Variants in AK9 observed in about 807,000 individuals in gnomAD.
The protein encoded by AK9 is adenylate kinase domain containing 1.
Under a neutral mutation model 239.6 loss-of-function variants are expected in AK9, and 191 were observed. The ratio of observed to expected loss-of-function variants is 0.80; its 90% confidence interval spans 0.71 to 0.90. The LOEUF (loss-of-function observed/expected upper bound fraction) is 0.90. AK9 is among the 40% of genes least tolerant of loss of function. AK9 has a pLI of 0.00. For synonymous variants in AK9, 689 were observed against 721.0 expected (o/e 0.96, Z 0.71); for missense variants, 1,995 against 2,214.7 (o/e 0.90, Z 1.99).
rs1797428506 is a variant in AK9 at position 109,641,422 on chromosome 6, C to T, written c.933+96G>A. The T allele has an allele frequency of 5.6e-6, 5 of 887,394 alleles. No homozygotes were observed. The South Asian group carries it at 7.9e-5, about 14-fold the overall frequency. The allele number at this position is 887,394 out of a possible 1,614,324, so 55.0% of individuals were successfully genotyped here. The stretch of plus-strand genomic sequence containing the variant: ...AGGCTGGTCTCAGACTCCTGGGCTC[C>T]AGTGATCCTCCCATGGGATTACAGG... On this transcript the variant is annotated intron_variant, in intron 10 of 40. Transcript: ENST00000424296.
intron 10 of AK9, among the ~76,000 whole-genome samples, chr6:109,638,634 C>G (rs1024028275): frequency 3.3e-5 from 5 of 152,046 alleles, no homozygotes; most frequent in African/African-American, 4.8e-5. Context: ...CATGTGCTAT[C>G]ACGTCTGGTT....
intron 24 of AK9, among the ~76,000 whole-genome samples, chr6:109,553,514 G>A (rs1784605295): frequency 6.6e-6 from 1 of 152,092 alleles, no homozygotes; most frequent in African/African-American, 2.4e-5. Flanking sequence ...CCTATTGTTG[G>A]TGTAAAGGAA....
intron 25 of AK9, among the ~76,000 whole-genome samples, chr6:109,546,562 G>C (rs1236772342): frequency 6.6e-6 from 1 of 152,120 alleles, no homozygotes; most frequent in Admixed American, 6.6e-5. Flanking sequence ...GATCATCCAC[G>C]GGATGCTGAA....
Position 109,535,687 on chromosome 6 carries a change from G to A in AK9, c.3351-2217C>T, listed in dbSNP as rs1312335369. ...AGACATGAAGTCCTTGCCCATGCCT[G>A]TGTCCTGAATGGTATTGCCTAGGTT... On this transcript the variant is annotated intron_variant, in intron 27 of 40. Transcript: ENST00000424296. Among the ~76,000 whole-genome samples the A allele has an allele frequency of 5.9e-5, 9 of 152,250 alleles. No individual in the cohort carries two copies. In the East Asian group the frequency reaches 9.7e-4, roughly 16 times the overall value.
chr6:109,568,045 C>T (rs1786843243), intron 21 of AK9, among the ~76,000 whole-genome samples: 1 of 152,044 alleles, frequency 6.6e-6, no homozygotes, highest in Admixed American at 6.6e-5. Context: ...TACTGGCAAA[C>T]CGAATCCAGC....
chr6:109,652,790 C>T (rs1263003429), intron 8 of AK9, among the ~76,000 whole-genome samples: 4 of 152,176 alleles, frequency 2.6e-5, no homozygotes, highest in Non-Finnish European at 5.9e-5. Flanking sequence ...ATGCTGCCCG[C>T]ACAACACAGT....
chr6:109,620,782 C>T (rs12204769), intron 12 of AK9, among the ~76,000 whole-genome samples: 87,433 of 150,400 alleles, frequency 0.58, 27,031 homozygotes, highest in South Asian at 0.84. Context: ...ATAGTATACA[C>T]ATATACACCA....
chr6:109,670,196 C>A (rs887272884), intron 5 of AK9, among the ~76,000 whole-genome samples: 9 of 151,838 alleles, frequency 5.9e-5, no homozygotes, highest in Admixed American at 2.0e-4. Flanking sequence ...CTGGTTAGAT[C>A]CTGCTTCAAA....
chr6:109,495,584 C>T, intron 38 of AK9, 144 bp from the exon 39 acceptor site: 1 of 516,838 alleles, frequency 1.9e-6, no homozygotes, highest in Non-Finnish European at 3.3e-6. Context: ...GCTGGGGCTC[C>T]TGGAAGTGCA....
At chr6:109,602,771 C>A (rs1176012585) in intron 17 of AK9, among the ~76,000 whole-genome samples, 2 of 152,156 alleles carry the variant, frequency 1.3e-5, no homozygotes, top group Non-Finnish European at 2.9e-5. Flanking sequence ...TTGTTCATTT[C>A]TTTTTATTCT....
rs148486366 is a variant in AK9, at chr6:109,616,729, T to A, written c.1400-2249A>T. Among the ~76,000 whole-genome samples, 10 of 152,248 alleles carry A rather than the reference T, an allele frequency of 6.6e-5. No individual in the cohort carries two copies. The East Asian group carries it at 1.9e-3, about 29-fold the overall frequency. On this transcript the variant is annotated intron_variant, in intron 13 of 40. Transcript: ENST00000424296. ...CAGATAAAAATACTTAATAACCTGA[T>A]GGAGAAATATTGACCAGAACCCCTT... is the stretch of plus-strand genomic sequence containing the variant.
chr6:109,494,058 G>C lies in AK9; in HGVS notation c.5456C>G (p.Ala1819Gly). 6.2e-7 allele frequency: 1 copy of C among 1,613,566 alleles called. No individual in the cohort carries two copies. The highest frequency in any genetic ancestry group is 1.6e-4 in the Middle Eastern group (1 of 6,062). Reference protein sequence around the residue: ...ATSLIKAMNAAGCLKPKFPFL... With the variant: ...ATSLIKAMNAGGCLKPKFPFL... The stretch of plus-strand genomic sequence containing the variant: ...GGGGAACTTGGGCTTTAAGCATCCC[G>C]CTGCATTCATTGCTTTAATTAGAGA... The change falls in exon 40 of 41, where the codon GCG (alanine) becomes GGG (glycine). Residue 1819 changes from alanine (A) to glycine (G), a missense_variant. By Grantham distance (60) the Ala-to-Gly change is moderately conservative (BLOSUM62 0). Coordinates refer to ENST00000424296, the MANE Select transcript of AK9 (RefSeq NM_001145128.3).
At chr6:109,624,338 C>T (rs1434812023) in intron 12 of AK9, among the ~76,000 whole-genome samples, 6 of 152,104 alleles carry the variant, frequency 3.9e-5, no homozygotes, top group Non-Finnish European at 7.4e-5. Context: ...GCTTCTGGAT[C>T]CCATGTCACC....
intron 8 of AK9, among the ~76,000 whole-genome samples, chr6:109,647,158 G>T (rs1798177438): frequency 6.6e-6 from 1 of 152,156 alleles, no homozygotes; most frequent in Non-Finnish European, 1.5e-5. Flanking sequence ...AGAGCATCAA[G>T]GCTAGGAAGA....
At chr6:109,533,741 T>A (rs1011974675) in intron 27 of AK9, among the ~76,000 whole-genome samples, 9 of 152,172 alleles carry the variant, frequency 5.9e-5, no homozygotes, top group African/African-American at 2.2e-4. Context: ...ATGTGACATT[T>A]CTTTTTCAAA....
rs912282030 is a variant in AK9, at chr6:109,597,555, C to G, written c.1843-11483G>C. Among the ~76,000 whole-genome samples, 17 of 152,048 alleles carry G rather than the reference C, an allele frequency of 1.1e-4. No homozygotes were observed. In the East Asian group the frequency reaches 3.3e-3, roughly 29 times the overall value. ...AGGTGTGGTGGCGGGCGCCTGTAGC[C>G]CCAGCTACTCGGGAGGCTAAGGCAG... is the stretch of plus-strand genomic sequence containing the variant. On this transcript the variant is annotated intron_variant, in intron 17 of 40. Transcript: ENST00000424296.
chr6:109,595,550 A>G (rs1430455896), intron 17 of AK9, among the ~76,000 whole-genome samples: 1 of 152,244 alleles, frequency 6.6e-6, no homozygotes. Context: ...ACATATGCAC[A>G]TGTATGTTTA....
intron 8 of AK9, among the ~76,000 whole-genome samples, chr6:109,645,807 G>T (rs1034954807): frequency 6.6e-6 from 1 of 152,208 alleles, no homozygotes; most frequent in Non-Finnish European, 1.5e-5. Context: ...CCTCCCAGTA[G>T]GGGCTCACTG....
intron 28 of AK9, among the ~76,000 whole-genome samples, chr6:109,529,395 G>C (rs1051239596): frequency 6.6e-6 from 1 of 152,084 alleles, no homozygotes; most frequent in Non-Finnish European, 1.5e-5. Flanking sequence ...GAAATACGTG[G>C]AGGCAATTCA....
Sources: allele counts gnomAD v4.1 joint callset (sites outside exome capture counted in the v4.1 genomes callset), GRCh38; gene constraint gnomAD v4.1.1; transcripts MANE v1.5; gene names NCBI Gene and HGNC (gene_info 2026-07-23, HGNC 2026-07-21).